MTHFS: variants seen among roughly 807,000 people sequenced by gnomAD.
MTHFS encodes the protein 5-formyltetrahydrofolate cyclo-ligase.
In MTHFS, 7 loss-of-function variants were observed where a neutral mutation model predicts 12.7. The observed-to-expected ratio is 0.55, with a 90% CI of 0.31 to 1.03. MTHFS has a LOEUF of 1.03. Ranked by LOEUF, MTHFS falls within the 50% of genes least tolerant of loss-of-function variation. The pLI is 0.05. For synonymous variants in MTHFS, 100 were observed against 97.1 expected, an observed-to-expected ratio of 1.03 and a Z score of -0.18; for missense variants, 252 against 258.1, an observed-to-expected ratio of 0.98 and a Z score of 0.16.
intron 1 of MTHFS, among the ~76,000 whole-genome samples, chr15:79,894,945 T>A (rs1201066540): frequency 6.9e-6 from 1 of 145,702 alleles, no homozygotes; most frequent in African/African-American, 2.4e-5. Flanking sequence ...GTCTCCATAT[T>A]TTTTTTCTTT....
At chr15:79,857,608 A>T (rs747787148) in intron 2 of MTHFS, among the ~76,000 whole-genome samples, 1 of 152,212 alleles carries the variant, frequency 6.6e-6, no homozygotes, top group Non-Finnish European at 1.5e-5. Flanking sequence ...TTGAAATAAT[A>T]GTACATGGAT....
At chr15:79,847,888 T>C (rs1326393866) in intron 2 of MTHFS, among the ~76,000 whole-genome samples, 1 of 152,140 alleles carries the variant, frequency 6.6e-6, no homozygotes, top group Non-Finnish European at 1.5e-5. Context: ...TCAGAACCCT[T>C]GTACACTGCT....
chr15:79,865,410 A>T (rs2033992004), intron 2 of MTHFS, among the ~76,000 whole-genome samples: 2 of 152,262 alleles, frequency 1.3e-5, no homozygotes, highest in African/African-American at 4.8e-5. Flanking sequence ...GCAAGATATA[A>T]TTTAGGAAAA....
chr15:79,865,644 C>T (rs563743271), intron 2 of MTHFS, among the ~76,000 whole-genome samples: 1 of 152,190 alleles, frequency 6.6e-6, no homozygotes, highest in Non-Finnish European at 1.5e-5. Flanking sequence ...CCACCTCAGC[C>T]CTCATCCCTG....
chr15:79,886,004 G>C (rs1212000817), intron 2 of MTHFS, among the ~76,000 whole-genome samples: 1 of 152,206 alleles, frequency 6.6e-6, no homozygotes, highest in Non-Finnish European at 1.5e-5. Flanking sequence ...TGCCCAAGCA[G>C]CCCTTACCTT....
intron 1 of MTHFS, among the ~76,000 whole-genome samples, chr15:79,892,367 C>T (rs1015931022): frequency 1.3e-5 from 2 of 151,646 alleles, no homozygotes; most frequent in Admixed American, 6.6e-5. Flanking sequence ...TTTTAACAGA[C>T]GATGAAAAAG....
intron 1 of MTHFS, among the ~76,000 whole-genome samples, chr15:79,891,197 A>G (rs564537162): frequency 1.1e-4 from 16 of 152,348 alleles, no homozygotes; most frequent in African/African-American, 3.8e-4. Context: ...CAGGTCAGGC[A>G]GAATCCACTC....
intron 2 of MTHFS, among the ~76,000 whole-genome samples, chr15:79,856,870 C>T (rs1213956778): frequency 6.6e-6 from 1 of 151,426 alleles, no homozygotes; most frequent in Non-Finnish European, 1.5e-5. Flanking sequence ...AGGGTGTACT[C>T]AAGAAAAAAA....
chr15:79,849,580 T>C (rs1297164831), intron 2 of MTHFS, among the ~76,000 whole-genome samples: 3 of 152,090 alleles, frequency 2.0e-5, no homozygotes, highest in South Asian at 4.1e-4. Context: ...CAGAATTCAA[T>C]AGGGGAGACA....
intron 2 of MTHFS, among the ~76,000 whole-genome samples, chr15:79,865,320 CA>C (rs930480896): frequency 2.6e-5 from 4 of 152,078 alleles, no homozygotes; most frequent in African/African-American, 9.7e-5. Flanking sequence ...CAAAGGAAAA[CA>C]AACTTGGGAA....
chr15:79,889,455 ATATT>A, intron 1 of MTHFS, 101 bp from the exon 2 acceptor site: 1 of 1,396,444 alleles, frequency 7.2e-7, no homozygotes, highest in Non-Finnish European at 9.4e-7. Context: ...ATTTCTTTAA[ATATT>A]AAAAAGAAAA....
At chr15:79,857,424 C>A (rs956086821) in intron 2 of MTHFS, among the ~76,000 whole-genome samples, 1 of 152,132 alleles carries the variant, frequency 6.6e-6, no homozygotes, top group Non-Finnish European at 1.5e-5. Context: ...GAAAGTCCTG[C>A]AACCTCTCTG....
chr15:79,894,584 C>T (rs2034534453), intron 1 of MTHFS, among the ~76,000 whole-genome samples: 1 of 152,138 alleles, frequency 6.6e-6, no homozygotes, highest in African/African-American at 2.4e-5. Flanking sequence ...TCTATGTAAA[C>T]TATTTCCATC....
At chr15:79,893,565 G>A (rs951481069) in intron 1 of MTHFS, among the ~76,000 whole-genome samples, 2 of 151,878 alleles carry the variant, frequency 1.3e-5, no homozygotes, top group Non-Finnish European at 2.9e-5. Flanking sequence ...GGGCGTGGTG[G>A]CGGGCGCCTG....
chr15:79,865,176 C>T (rs953794691), intron 2 of MTHFS, among the ~76,000 whole-genome samples: 1 of 152,178 alleles, frequency 6.6e-6, no homozygotes, highest in Non-Finnish European at 1.5e-5. Context: ...TACACAATTT[C>T]TATTACAAGA....
rs932261312 is a variant in MTHFS, at chr15:79,896,730, G to A, written c.117+142C>T. 9.2e-5 allele frequency: 89 copies of A among 967,010 alleles called. No homozygotes were observed. The Middle Eastern group carries it at 1.3e-3, about 14-fold the overall frequency. The allele number at this position is 967,010 out of a possible 1,614,324, so 59.9% of individuals were successfully genotyped here. On this transcript the variant is annotated intron_variant, in intron 1 of 2. Transcript: ENST00000258874. ...ACGACTAGGGGGCGTGCGCGCGCCG[G>A]GAGGGGAAACGTGCGCGCGCCGGGG...
chr15:79,853,514 T>C (rs1596062883), intron 2 of MTHFS, among the ~76,000 whole-genome samples: 1 of 152,218 alleles, frequency 6.6e-6, no homozygotes, highest in East Asian at 1.9e-4. Context: ...AAAACTCTAG[T>C]AAGTGTTCAA....
intron 2 of MTHFS, among the ~76,000 whole-genome samples, chr15:79,846,095 A>G (rs188109401): frequency 7.9e-5 from 12 of 152,344 alleles, no homozygotes; most frequent in Non-Finnish European, 1.0e-4. Flanking sequence ...AGAACTGGCT[A>G]TGACATTATC....
At chr15:79,852,439 C>A (rs538047338) in intron 2 of MTHFS, among the ~76,000 whole-genome samples, 5 of 152,302 alleles carry the variant, frequency 3.3e-5, no homozygotes, top group African/African-American at 1.2e-4. Context: ...AACTGAGCCA[C>A]CTATTATTAT....
Sources: gnomAD v4.1 joint callset for allele counts (sites outside exome capture counted in the v4.1 genomes callset) on GRCh38, gnomAD v4.1.1 for gene constraint, MANE v1.5 for transcripts, NCBI Gene and HGNC (gene_info 2026-07-23, HGNC 2026-07-21) for gene names.